Variants in PDE4B observed in about 807,000 individuals in gnomAD.
PDE4B encodes the protein 3',5'-cyclic-AMP phosphodiesterase 4B.
PDE4B carries 20 observed loss-of-function variants against 82.2 expected under a neutral mutation model. That is an observed-to-expected ratio of 0.24 (90% CI 0.17 to 0.35). PDE4B has a LOEUF of 0.35. Among genes scored for constraint, PDE4B ranks in the 10% least tolerant of loss-of-function variants. PDE4B has a pLI of 1.00. For missense variants in PDE4B, 655 were observed against 907.2 expected (o/e 0.72, Z 3.57); for synonymous variants, 320 against 318.9 (o/e 1.00, Z -0.04).
At chr1:65,950,479 G>T (rs1569791806) in intron 3 of PDE4B, among the ~76,000 whole-genome samples, 1 of 152,034 alleles carries the variant, frequency 6.6e-6, no homozygotes, top group East Asian at 1.9e-4. Context: ...CCTTGTTTAA[G>T]TCACTTATTG....
At chr1:66,270,496 G>A (rs1012772899) in intron 7 of PDE4B, among the ~76,000 whole-genome samples, 22 of 152,320 alleles carry the variant, frequency 1.4e-4, no homozygotes, top group Middle Eastern at 6.8e-3. Flanking sequence ...CATTGATTCC[G>A]TTCTCATTCT....
At chr1:66,270,382 C>G (rs914324331) in intron 7 of PDE4B, among the ~76,000 whole-genome samples, 1 of 152,174 alleles carries the variant, frequency 6.6e-6, no homozygotes, top group Non-Finnish European at 1.5e-5. Flanking sequence ...TATGACTATC[C>G]CTCCGGAGGT....
chr1:66,336,512 C>G (rs1169251665), intron 8 of PDE4B, among the ~76,000 whole-genome samples: 1 of 152,204 alleles, frequency 6.6e-6, no homozygotes, highest in African/African-American at 2.4e-5. Flanking sequence ...GTCTTCACTT[C>G]CCCCACAAAC....
intron 7 of PDE4B, among the ~76,000 whole-genome samples, chr1:66,286,542 T>C (rs1441008048): frequency 6.6e-6 from 1 of 152,186 alleles, no homozygotes; most frequent in Non-Finnish European, 1.5e-5. Context: ...CAAGACAGCA[T>C]GGCAAACAGT....
At chr1:66,349,625 A>G (rs995795056) in intron 8 of PDE4B, among the ~76,000 whole-genome samples, 1 of 152,190 alleles carries the variant, frequency 6.6e-6, no homozygotes, top group Non-Finnish European at 1.5e-5. Flanking sequence ...ATTCAATTGC[A>G]CTTGCTTTTC....
intron 3 of PDE4B, among the ~76,000 whole-genome samples, chr1:66,086,781 T>C (rs2100977815): frequency 6.6e-6 from 1 of 152,304 alleles, no homozygotes; most frequent in African/African-American, 2.4e-5. Flanking sequence ...TATTAAGTTC[T>C]AGGACAATTA....
At chr1:65,849,868 C>A (rs536409936) in intron 1 of PDE4B, among the ~76,000 whole-genome samples, 6 of 152,084 alleles carry the variant, frequency 3.9e-5, no homozygotes, top group East Asian at 1.9e-4. Context: ...GGATTCAGTT[C>A]GATTATTACA....
chr1:65,951,856 A>G (rs751327284), intron 3 of PDE4B, among the ~76,000 whole-genome samples: 13 of 152,060 alleles, frequency 8.5e-5, no homozygotes, highest in Non-Finnish European at 1.2e-4. Flanking sequence ...AATTCCAAGT[A>G]TAATTCTAGG....
chr1:66,164,481 A>T (rs915221591), intron 3 of PDE4B, among the ~76,000 whole-genome samples: 97 of 131,000 alleles, frequency 7.4e-4, no homozygotes, highest in African/African-American at 2.8e-3. Flanking sequence ...GGTTGCAGTG[A>T]GCCAAGACTG....
At chr1:66,141,327 A>AATATATATATATATATAT (rs71058454) in intron 3 of PDE4B, among the ~76,000 whole-genome samples, 2 of 91,482 alleles carry the variant, frequency 2.2e-5, no homozygotes, top group Non-Finnish European at 2.0e-5. Flanking sequence ...AAGCTTTGAG[A>AATATATATATATATATAT]ATATATATAT....
chr1:66,133,455 A>C (rs1373649531), intron 3 of PDE4B, among the ~76,000 whole-genome samples: 1 of 152,132 alleles, frequency 6.6e-6, no homozygotes, highest in African/African-American at 2.4e-5. Flanking sequence ...TCCGAGTCCT[A>C]TTTTGCTTAC....
intron 3 of PDE4B, among the ~76,000 whole-genome samples, chr1:65,993,705 GGTCA>G (rs764852206): frequency 4.1e-4 from 62 of 152,018 alleles, no homozygotes; most frequent in Non-Finnish European, 6.6e-4. Flanking sequence ...GAAATTGCAT[GGTCA>G]GTTACTTTAA....
chr1:65,810,839 C>T (rs1489815983), intron 1 of PDE4B, among the ~76,000 whole-genome samples: 2 of 152,172 alleles, frequency 1.3e-5, no homozygotes, highest in Non-Finnish European at 2.9e-5. Flanking sequence ...ACCCCCTTTT[C>T]ATGCAAATAT....
intron 3 of PDE4B, among the ~76,000 whole-genome samples, chr1:66,188,355 T>G (rs1647380992): frequency 6.6e-6 from 1 of 151,320 alleles, no homozygotes; most frequent in African/African-American, 2.4e-5. Flanking sequence ...TTAGGTCCAC[T>G]TGGTGCAGAG....
intron 3 of PDE4B, among the ~76,000 whole-genome samples, chr1:66,130,639 C>T (rs1446058867): frequency 6.6e-6 from 1 of 152,196 alleles, no homozygotes; most frequent in Non-Finnish European, 1.5e-5. Context: ...CATGGTCCTT[C>T]CTGGGGGCAG....
chr1:65,941,679 C>CA (rs1417820799), intron 3 of PDE4B, among the ~76,000 whole-genome samples: 2 of 151,990 alleles, frequency 1.3e-5, no homozygotes, highest in African/African-American at 4.8e-5. Flanking sequence ...GAATTTGACA[C>CA]AAAAATATGT....
chr1:66,033,682 T>C (rs1358130838), intron 3 of PDE4B, among the ~76,000 whole-genome samples: 1 of 148,814 alleles, frequency 6.7e-6, no homozygotes, highest in Non-Finnish European at 1.5e-5. Flanking sequence ...AGGGTAAGTG[T>C]GTCAAGCAAA....
intron 1 of PDE4B, among the ~76,000 whole-genome samples, chr1:65,881,687 G>T (rs775270143): frequency 9.2e-5 from 14 of 151,900 alleles, no homozygotes; most frequent in Non-Finnish European, 1.9e-4. Flanking sequence ...CCCTTTCCTG[G>T]GATCCTTTAT....
chr1:66,335,249 T>G (rs982600318), intron 8 of PDE4B, among the ~76,000 whole-genome samples: 3 of 152,226 alleles, frequency 2.0e-5, no homozygotes, highest in Admixed American at 6.5e-5. Context: ...TTGCAAAAAC[T>G]CTGTGTTCCT....
Sources: gnomAD v4.1 joint callset for allele counts (sites outside exome capture counted in the v4.1 genomes callset) on GRCh38, gnomAD v4.1.1 for gene constraint, MANE v1.5 for transcripts, NCBI Gene and HGNC (gene_info 2026-07-23, HGNC 2026-07-21) for gene names.